The following HMCN1 variants were observed in gnomAD, a reference collection of about 807,000 sequenced individuals.
The protein encoded by HMCN1 is hemicentin 1, also known as hemicentin-1.
A neutral mutation model predicts 625.9 loss-of-function variants in HMCN1; 321 were observed. The observed-to-expected ratio is 0.51, with a 90% CI of 0.47 to 0.56. The LOEUF (loss-of-function observed/expected upper bound fraction) is 0.56. HMCN1 is among the 20% of genes least tolerant of loss of function. The pLI, the probability that HMCN1 is intolerant of heterozygous loss-of-function variation, is 0.00. For missense variants in HMCN1, 6,588 were observed against 6,887.3 expected, an observed-to-expected ratio of 0.96 and a Z score of 1.54; for synonymous variants, 2,425 against 2,417.6, an observed-to-expected ratio of 1.00 and a Z score of -0.09.
chr1:186,026,871 G>T (rs891624564), intron 36 of HMCN1, among the ~76,000 whole-genome samples: 1 of 152,060 alleles, frequency 6.6e-6, no homozygotes, highest in African/African-American at 2.4e-5. Context: ...CTGGGCTCAA[G>T]ACATCTGCCG....
intron 18 of HMCN1, 141 bp from the exon 19 acceptor site, chr1:185,984,028 G>C (rs1425586767): frequency 1.5e-6 from 1 of 646,260 alleles, no homozygotes. Flanking sequence ...TATGCTCATC[G>C]TTCTTCACTT....
chr1:186,005,819 A>G (rs1480430256), intron 29 of HMCN1, among the ~76,000 whole-genome samples: 1 of 152,130 alleles, frequency 6.6e-6, no homozygotes, highest in Non-Finnish European at 1.5e-5. Context: ...TTCGAGCAGC[A>G]TATTATCAAT....
At chr1:186,073,991 A>G (rs1366482329) in intron 52 of HMCN1, among the ~76,000 whole-genome samples, 1 of 152,054 alleles carries the variant, frequency 6.6e-6, no homozygotes, top group East Asian at 1.9e-4. Flanking sequence ...AAGAGAACAC[A>G]GCATTGGATG....
At chr1:185,801,120 T>C (rs1237163066) in intron 1 of HMCN1, among the ~76,000 whole-genome samples, 1 of 152,164 alleles carries the variant, frequency 6.6e-6, no homozygotes, top group Non-Finnish European at 1.5e-5. Flanking sequence ...TTCAGTTAAA[T>C]TGAGTAGAAA....
intron 89 of HMCN1, among the ~76,000 whole-genome samples, chr1:186,138,722 G>A (rs767988823): frequency 6.6e-6 from 1 of 152,124 alleles, no homozygotes; most frequent in African/African-American, 2.4e-5. Context: ...CTCAGAATTC[G>A]TATCAGTCTC....
chr1:186,015,384 A>T lies in HMCN1; in HGVS notation c.4856A>T (p.His1619Leu), dbSNP rs751029361. Residue 1619 changes from histidine to leucine, a missense_variant, in exon 31 of 107, where the codon CAT (histidine) becomes CTT (leucine). Physicochemically the swap from His to Leu is moderately conservative, Grantham distance 99. Transcript: ENST00000271588. ...TCTGATTCAGCAACATATACGTGTC[A>T]TGTAGCCAATGTTGCTGGAACTGCT... ...QVSDSATYTC[H>L]VANVAGTAEK... The T allele has an allele frequency of 1.9e-6, 3 of 1,613,638 alleles. No individual in the cohort carries two copies. The highest frequency in any genetic ancestry group is 3.3e-5 in the Admixed American group (2 of 59,968).
At chr1:186,007,079 T>C (rs777570860) in intron 29 of HMCN1, 49 bp from the exon 30 acceptor site, 6 of 1,411,044 alleles carry the variant, frequency 4.3e-6, no homozygotes, top group Non-Finnish European at 6.0e-6. Flanking sequence ...AAATAAGAAA[T>C]GTGAAAAACT....
intron 104 of HMCN1, among the ~76,000 whole-genome samples, chr1:186,181,383 CCCT>C (rs1407667963): frequency 1.3e-5 from 2 of 152,132 alleles, no homozygotes; most frequent in African/African-American, 2.4e-5. Flanking sequence ...TCTATTCTCA[CCCT>C]CCTTTTTTTG....
intron 46 of HMCN1, 89 bp from the exon 47 acceptor site, chr1:186,061,762 T>A: frequency 2.5e-6 from 2 of 810,870 alleles, no homozygotes; most frequent in South Asian, 3.2e-5. Context: ...ACTGATTAAA[T>A]TTTTACCGAA....
At chr1:185,954,826 A>C (rs1649507628) in intron 11 of HMCN1, among the ~76,000 whole-genome samples, 1 of 152,152 alleles carries the variant, frequency 6.6e-6, no homozygotes, top group African/African-American at 2.4e-5. Flanking sequence ...CAATTTTTTA[A>C]AAATGGAATT....
chr1:186,010,043 G>A (rs749967635), intron 30 of HMCN1, among the ~76,000 whole-genome samples: 1 of 152,078 alleles, frequency 6.6e-6, no homozygotes, highest in Non-Finnish European at 1.5e-5. Flanking sequence ...AGCTCAGGTG[G>A]TAATGCTTGC....
chr1:186,084,492 T>C (rs1044521278), intron 57 of HMCN1, among the ~76,000 whole-genome samples: 1 of 152,114 alleles, frequency 6.6e-6, no homozygotes, highest in Non-Finnish European at 1.5e-5. Context: ...GGAAAATTCA[T>C]TTGAGGGGAA....
intron 20 of HMCN1, among the ~76,000 whole-genome samples, chr1:185,989,132 C>T (rs151245528): frequency 0.013 from 1,995 of 151,570 alleles, 52 homozygotes; most frequent in African/African-American, 0.045. Context: ...CTCAGCCTCC[C>T]GAGTAGCTGG....
In HMCN1 at chr1:186,113,995, G is replaced by T; in HGVS notation, c.11148G>T (p.Lys3716Asn). 6.2e-7 allele frequency: 1 copy of T among 1,613,940 alleles called. No individual in the cohort carries two copies. The highest frequency in any genetic ancestry group is 1.3e-5 in the African/African-American group (1 of 74,998). ...CTTGTTCAGTTCCTCCAAACATAAA[G>T]GGGGGCCCCCAGAGCCTTGTAATTC... Reference protein sequence around the residue: ...ILTVNVPPNIKGGPQSLVILL... With the variant: ...ILTVNVPPNINGGPQSLVILL... Residue 3716 changes from lysine to asparagine, a missense_variant, in exon 73 of 107, where the codon AAG becomes AAT. By Grantham distance (94) the Lys-to-Asn change is moderately conservative (BLOSUM62 0). Coordinates refer to ENST00000271588, the MANE Select transcript of HMCN1 (RefSeq NM_031935.3).
intron 17 of HMCN1, among the ~76,000 whole-genome samples, chr1:185,981,516 C>T (rs1651634544): frequency 6.6e-6 from 1 of 152,062 alleles, no homozygotes; most frequent in African/African-American, 2.4e-5. Context: ...CTAAAATACC[C>T]ATTTGATCAT....
chr1:186,102,689 A>G (rs1235596502), intron 68 of HMCN1, among the ~76,000 whole-genome samples: 1 of 152,146 alleles, frequency 6.6e-6, no homozygotes, highest in Non-Finnish European at 1.5e-5. Context: ...CAAACCTGCT[A>G]ACCCCTGGCG....
intron 1 of HMCN1, among the ~76,000 whole-genome samples, chr1:185,782,913 T>A (rs1171272812): frequency 6.6e-6 from 1 of 152,208 alleles, no homozygotes; most frequent in Admixed American, 6.5e-5. Flanking sequence ...GTTGGGGAAG[T>A]TCTCCTGGAT....
intron 89 of HMCN1, among the ~76,000 whole-genome samples, chr1:186,142,886 T>TA (rs1362966206): frequency 2.0e-5 from 3 of 152,212 alleles, no homozygotes; most frequent in Admixed American, 2.0e-4. Context: ...GGCTGAGGCT[T>TA]TTGTTAACCA....
Position 186,129,999 on chromosome 1 carries a change from T to C in HMCN1, c.12938T>C (p.Leu4313Pro), listed in dbSNP as rs1661842980. ...HFDSVNGHSE[L>P]VIERVSKEDS... ...GACAGTGTGAATGGACACAGTGAAC[T>C]TGTTATTGAAAGAGTGTCAAAAGAG... The change falls in exon 84 of 107, where the codon CTT (leucine) becomes CCT (proline). Residue 4313 changes from leucine to proline, a missense_variant. Physicochemically the swap from Leu to Pro is moderately conservative, Grantham distance 98 (BLOSUM62 -3). Around this residue, in one of 3 missense-constraint regions of HMCN1, gnomAD observed 1,954 missense variants for 2,013.1 expected, o/e 0.97. Coordinates refer to ENST00000271588, the MANE Select transcript of HMCN1 (RefSeq NM_031935.3). 6.2e-7 allele frequency: 1 copy of C among 1,613,092 alleles called. No individual in the cohort carries two copies. Among genetic ancestry groups the C allele is most frequent in the Non-Finnish European group, 8.5e-7 (1 of 1,179,368 alleles).
Sources: gnomAD v4.1 joint callset for allele counts (sites outside exome capture counted in the v4.1 genomes callset) on GRCh38, gnomAD v4.1.1 for gene constraint, gnomAD v4.1.1 regional missense constraint, MANE v1.5 for transcripts, NCBI Gene and HGNC (gene_info 2026-07-23, HGNC 2026-07-21) for gene names.